Variants in ELFN1 observed in about 807,000 individuals in gnomAD.
ELFN1 encodes the protein protein ELFN1.
ELFN1 carries 6 observed loss-of-function variants against 7.6 expected under a neutral mutation model. The ratio of observed to expected loss-of-function variants is 0.79; its 90% CI spans 0.43 to 1.56. The LOEUF (loss-of-function observed/expected upper bound fraction) is 1.56, where lower values mean the gene tolerates loss of function less well. Ranked by LOEUF, ELFN1 falls within the 40% of genes most tolerant of loss-of-function variation. The pLI is 0.01. For synonymous variants in ELFN1, 657 were observed against 588.1 expected (o/e 1.12, Z -1.70); for missense variants, 1,169 against 1,232.2 (o/e 0.95, Z 0.77).
rs1780582608 is a variant in ELFN1 at position 1,740,637 on chromosome 7, G to A, written c.-293-3667G>A. Among the ~76,000 whole-genome samples the A allele has an allele frequency of 6.6e-6, 1 of 152,060 alleles. No homozygotes were observed. Among genetic ancestry groups the A allele is most frequent in the Non-Finnish European group, 1.5e-5 (1 of 67,998 alleles). On this transcript the variant is annotated intron_variant, in intron 3 of 3. Coordinates refer to ENST00000424383, the MANE Select transcript of ELFN1 (RefSeq NM_001128636.4). This position sits in a 1 kb window ranked among gnomAD's most constrained non-coding sequence, Gnocchi z 5.0. The stretch of plus-strand genomic sequence containing the variant: ...GGCCTTTCCCTGTTTCCTGTGCCAG[G>A]TCCGCAGCCTCTGCCCTTGGGGACT...
At chr7:1,701,071 ATGTGTGCGTGTGTGTGTGCGCGTG>A (rs888930566) in intron 2 of ELFN1, among the ~76,000 whole-genome samples, 26 of 151,682 alleles carry the variant, frequency 1.7e-4, no homozygotes, top group Admixed American at 9.2e-4. Flanking sequence ...ATGCGTGTGT[ATGTGTGCGTGTGTGTGTGCGCGTG>A]TGTGTGCGCA....
At chr7:1,730,243 C>T (rs770533173) in intron 3 of ELFN1, among the ~76,000 whole-genome samples, 45 of 152,352 alleles carry the variant, frequency 3.0e-4, no homozygotes, top group East Asian at 3.9e-4. Context: ...TGTTTGCCTG[C>T]AGGACTTTCC....
At chr7:1,741,766 T>G (rs1430991385) in intron 3 of ELFN1, among the ~76,000 whole-genome samples, 1 of 151,786 alleles carries the variant, frequency 6.6e-6, no homozygotes, top group African/African-American at 2.4e-5. Flanking sequence ...GGAGGAAATC[T>G]GGGGGGCTCC....
At position 1,746,074 on chromosome 7, in the gene ELFN1, C is replaced by G; in HGVS notation, c.1478C>G (p.Ala493Gly). The change falls in exon 4 of 4, where the codon GCC (alanine) becomes GGC (glycine). Residue 493 changes from alanine to glycine, a missense_variant. Transcript: ENST00000424383. ...LSQGPLLGPE[A>G]VTRIPYLPAA... is the part of the protein sequence containing the mutation. Reference sequence around the variant, plus strand: ...CAGGGCCCGCTGCTGGGCCCCGAGGCCGTGACGCGCATCCCTTACCTGCCT... The same window carrying G: ...CAGGGCCCGCTGCTGGGCCCCGAGGGCGTGACGCGCATCCCTTACCTGCCT... 2.6e-6 allele frequency: 4 copies of G among 1,547,062 alleles called. No homozygotes were observed. Among genetic ancestry groups the G allele is most frequent in the Non-Finnish European group, 3.5e-6 (4 of 1,145,268 alleles).
chr7:1,687,553 C>T (rs532344842), intron 1 of ELFN1, among the ~76,000 whole-genome samples: 35 of 151,902 alleles, frequency 2.3e-4, no homozygotes, highest in Non-Finnish European at 4.3e-4. Context: ...GTACAGTTGT[C>T]TCAAAATAGA....
chr7:1,729,605 G>A (rs982249889), intron 3 of ELFN1, among the ~76,000 whole-genome samples: 10 of 152,182 alleles, frequency 6.6e-5, no homozygotes, highest in African/African-American at 1.7e-4. Context: ...TTCTACCAGC[G>A]CCTTGGTTAA....
chr7:1,741,892 G>T (rs1439404644), intron 3 of ELFN1, among the ~76,000 whole-genome samples: 1 of 151,766 alleles, frequency 6.6e-6, no homozygotes, highest in East Asian at 1.9e-4. Context: ...TCTGCCCAGG[G>T]CCCCAGTGAG....
intron 1 of ELFN1, among the ~76,000 whole-genome samples, chr7:1,672,384 C>A (rs1044421463): frequency 5.9e-5 from 9 of 152,200 alleles, no homozygotes; most frequent in African/African-American, 1.7e-4. Flanking sequence ...ACCACGGTCC[C>A]CACCAAGAAA....
At chr7:1,683,209 T>A (rs1779006529) in intron 1 of ELFN1, among the ~76,000 whole-genome samples, 2 of 152,118 alleles carry the variant, frequency 1.3e-5, no homozygotes, top group Non-Finnish European at 2.9e-5. Flanking sequence ...GAAGTTTTGA[T>A]ATTATTTCTT....
At position 1,742,881 on chromosome 7, in the gene ELFN1, C is replaced by T. The variant is rs202110575; in HGVS notation, c.-293-1423C>T. On this transcript the variant is annotated intron_variant, in intron 3 of 3. Transcript: ENST00000424383. ...TATATTTTTTTTCTCTAATTTAAAC[C>T]GCTTCAGTGCAGACTAGTTGCAAAC... Among the ~76,000 whole-genome samples, 6 of 152,196 alleles carry T rather than the reference C, an allele frequency of 3.9e-5. No homozygotes were observed. The East Asian group carries it at 9.6e-4, about 24-fold the overall frequency.
chr7:1,732,249 G>A (rs551918230), intron 3 of ELFN1, among the ~76,000 whole-genome samples: 62 of 152,270 alleles, frequency 4.1e-4, no homozygotes, highest in Non-Finnish European at 7.8e-4. Flanking sequence ...AGGGGTTCAC[G>A]TCCCAGGCAG....
At position 1,746,273 on chromosome 7, in the gene ELFN1, C is replaced by A; in HGVS notation, c.1677C>A (p.Ala559=). 6.3e-7 allele frequency: 1 copy of A among 1,596,152 alleles called. No individual in the cohort carries two copies. The highest frequency in any genetic ancestry group is 2.3e-5 in the East Asian group (1 of 43,916). The change falls in exon 4 of 4, where the codon GCC becomes GCA. Residue 559 remains alanine, a synonymous_variant. Transcript: ENST00000424383. ...QSSVAEISTI[A]KEVDKVNQII... Reference sequence around the variant, plus strand: ...CGGTGGCCGAGATCTCCACCATCGCCAAGGAGGTGGACAAGGTCAACCAGA... The same window carrying A: ...CGGTGGCCGAGATCTCCACCATCGCAAAGGAGGTGGACAAGGTCAACCAGA...
intron 2 of ELFN1, among the ~76,000 whole-genome samples, chr7:1,690,659 G>GTGGGTGGA (rs953081087): frequency 2.7e-5 from 4 of 147,904 alleles, no homozygotes; most frequent in Non-Finnish European, 6.0e-5. Context: ...GGGTGGAGAG[G>GTGGGTGGA]TGGGTGGATG....
intron 2 of ELFN1, chr7:1,694,271 A>T: frequency 5.9e-6 from 1 of 168,188 alleles, no homozygotes; most frequent in Admixed American, 5.5e-5. Context: ...TTAAACCCAC[A>T]CTGGCCTCCC....
chr7:1,747,175 C>G lies in ELFN1; in HGVS notation c.*92C>G. On this transcript the variant is annotated 3_prime_UTR_variant, in exon 4 of 4. Transcript: ENST00000424383. ...CAAACCCAACACACGCACGCCACCA[C>G]AGCAACTGTGACAGCGGGGGGCCCT... 1 of 1,341,926 alleles carries G rather than the reference C, an allele frequency of 7.5e-7. No homozygotes were observed. The highest frequency in any genetic ancestry group is 9.8e-7 in the Non-Finnish European group (1 of 1,021,950). The allele number at this position is 1,341,926 out of a possible 1,614,324, so 83.1% of individuals were successfully genotyped here.
chr7:1,744,207 G>C, intron 3 of ELFN1, 97 bp from the exon 4 acceptor site: 1 of 248,032 alleles, frequency 4.0e-6, no homozygotes, highest in Non-Finnish European at 7.6e-6. Flanking sequence ...AGGGACTCAG[G>C]CCACATTGGG....
intron 3 of ELFN1, among the ~76,000 whole-genome samples, chr7:1,711,067 C>A (rs1011789883): frequency 6.6e-6 from 1 of 152,258 alleles, no homozygotes; most frequent in African/African-American, 2.4e-5. Context: ...CAGCCCCTAC[C>A]TGGCCCTATC....
rs1359103655 is a variant in ELFN1 at position 1,686,225 on chromosome 7, G to A, written c.-548-1833G>A. On this transcript the variant is annotated intron_variant, in intron 1 of 3. Transcript: ENST00000424383. ...GGGTTTTGTTGTTGTTGTTGTTTGT[G>A]TAGTAATTGACCTGGACTGAAGCTG... is the stretch of plus-strand genomic sequence containing the variant. Among the ~76,000 whole-genome samples, 3 of 151,102 alleles carry A rather than the reference G, an allele frequency of 2.0e-5. No homozygotes were observed. The Admixed American group carries it at 2.0e-4, about 10-fold the overall frequency.
At chr7:1,672,919 G>A (rs551980119) in intron 1 of ELFN1, among the ~76,000 whole-genome samples, 32 of 152,186 alleles carry the variant, frequency 2.1e-4, no homozygotes, top group African/African-American at 7.5e-4. Context: ...ATACACGAGG[G>A]GGCCGGTGGC....
Sources: gnomAD v4.1 joint callset for allele counts (sites outside exome capture counted in the v4.1 genomes callset) on GRCh38, gnomAD v4.1.1 for gene constraint, Gnocchi (gnomAD v3.1) non-coding constraint, MANE v1.5 for transcripts, NCBI Gene and HGNC (gene_info 2026-07-23, HGNC 2026-07-21) for gene names.